The following COLEC12 variants were observed in gnomAD, a reference collection of about 807,000 sequenced individuals.
The protein encoded by COLEC12 is collectin subfamily member 12, also known as collectin-12.
Under a neutral mutation model 71.1 loss-of-function variants are expected in COLEC12, and 33 were observed. That is an observed-to-expected ratio of 0.46 (90% CI 0.35 to 0.62). The LOEUF is 0.62. COLEC12 is among the 20% of genes least tolerant of loss of function. The pLI, the probability that COLEC12 is intolerant of heterozygous loss-of-function variation, is 0.00. For missense variants in COLEC12, 765 were observed against 916.1 expected (o/e 0.84, Z 2.13); for synonymous variants, 350 against 353.0 (o/e 0.99, Z 0.10).
intron 2 of COLEC12, among the ~76,000 whole-genome samples, chr18:370,370 C>T (rs1266663146): frequency 6.6e-6 from 1 of 152,176 alleles, no homozygotes; most frequent in Non-Finnish European, 1.5e-5. Context: ...CAAACAGCTC[C>T]TAATTACAGT....
intron 2 of COLEC12, among the ~76,000 whole-genome samples, chr18:434,446 A>C (rs1426210431): frequency 6.6e-6 from 1 of 152,208 alleles, no homozygotes; most frequent in Non-Finnish European, 1.5e-5. Flanking sequence ...ACTGGGGCTA[A>C]TGTTTTGCTT....
chr18:476,596 T>C (rs1917310090), intron 2 of COLEC12, among the ~76,000 whole-genome samples: 1 of 152,172 alleles, frequency 6.6e-6, no homozygotes, highest in South Asian at 2.1e-4. Flanking sequence ...CCCGCCCCAG[T>C]GCAGAAAGGG....
intron 3 of COLEC12, among the ~76,000 whole-genome samples, chr18:356,337 A>T (rs666651): frequency 0.4 from 61,438 of 151,986 alleles, 14,385 homozygotes; most frequent in African/African-American, 0.65. Flanking sequence ...TGCAGAAGAC[A>T]TAGCATGACC....
At chr18:322,148 G>A in intron 8 of COLEC12, among the ~76,000 whole-genome samples, 1 of 138,940 alleles carries the variant, frequency 7.2e-6, no homozygotes, top group Admixed American at 7.4e-5. Context: ...TTCTGGGCAT[G>A]AGTGTATATA....
chr18:328,759 T>C (rs1255688779), intron 8 of COLEC12, among the ~76,000 whole-genome samples: 1 of 152,188 alleles, frequency 6.6e-6, no homozygotes, highest in Non-Finnish European at 1.5e-5. Flanking sequence ...CTTTGAGTGT[T>C]GCTGGGTCAA....
At chr18:358,447 C>T (rs755622044) in intron 2 of COLEC12, among the ~76,000 whole-genome samples, 20 of 152,056 alleles carry the variant, frequency 1.3e-4, no homozygotes, top group African/African-American at 2.7e-4. Flanking sequence ...CGTATGGGTG[C>T]GATGGGAGAC....
intron 5 of COLEC12, among the ~76,000 whole-genome samples, chr18:341,586 A>G (rs772556136): frequency 6.6e-6 from 1 of 152,216 alleles, no homozygotes; most frequent in Non-Finnish European, 1.5e-5. Context: ...TTCTTTGTGC[A>G]TATGAAGCTG....
At chr18:382,976 T>C (rs906159507) in intron 2 of COLEC12, among the ~76,000 whole-genome samples, 1 of 152,144 alleles carries the variant, frequency 6.6e-6, no homozygotes, top group African/African-American at 2.4e-5. Flanking sequence ...AATGCAATGA[T>C]TTTTTGGGGT....
chr18:356,605 C>T (rs186154281), intron 3 of COLEC12, among the ~76,000 whole-genome samples: 36 of 152,330 alleles, frequency 2.4e-4, no homozygotes, highest in African/African-American at 6.5e-4. Flanking sequence ...ACAGACTCCA[C>T]GTCTGCCTCT....
At position 318,228 on chromosome 18, in the gene COLEC12, C is replaced by T. The variant is rs1414906903; in HGVS notation, c.*1817G>A. 3 of 152,022 alleles carry T rather than the reference C, an allele frequency of 2.0e-5. No individual in the cohort carries two copies. Among genetic ancestry groups the T allele is most frequent in the Non-Finnish European group, 4.4e-5 (3 of 68,032 alleles). The allele number at this position is 152,022 out of a possible 1,614,324, so 9.4% of individuals were successfully genotyped here. ...ATCTCCTGACCTTGTGATCCGTCCG[C>T]CTCGGCCTCCCAAAGTGCTGGGATT... On this transcript the variant is annotated 3_prime_UTR_variant, in exon 10 of 10. Transcript: ENST00000400256.
chr18:469,938 T>C (rs745857203), intron 2 of COLEC12, among the ~76,000 whole-genome samples: 1 of 152,222 alleles, frequency 6.6e-6, no homozygotes, highest in Non-Finnish European at 1.5e-5. Flanking sequence ...AGTATTGATG[T>C]TGGCAAATAA....
intron 2 of COLEC12, among the ~76,000 whole-genome samples, chr18:473,885 T>G (rs529162217): frequency 6.6e-6 from 1 of 152,186 alleles, no homozygotes; most frequent in Non-Finnish European, 1.5e-5. Context: ...TCAACCCAAT[T>G]GTTGGAAAAA....
rs8098850 is a variant in COLEC12 at position 335,099 on chromosome 18, T to C, written c.1459A>G (p.Ile487Val). The C allele has an allele frequency of 0.06, 96,720 of 1,611,740 alleles. 3,093 individuals are homozygous for C. Among genetic ancestry groups the C allele is most frequent in the Middle Eastern group, 0.088 (534 of 6,040 alleles). The change falls in exon 6 of 10, where the codon ATT becomes GTT. Residue 487 changes from isoleucine (I) to valine (V), a missense_variant. Coordinates refer to ENST00000400256, the MANE Select transcript of COLEC12 (RefSeq NM_130386.3). ...TCTCCGGGGGGACCAGCTGGTCCAA[T>C]TGGGCCTCTCTCACCCGCAGGGCCA... is the stretch of plus-strand genomic sequence containing the variant. The part of the protein sequence containing the change: ...PPGPAGERGP[I>V]GPAGPPGERG...
chr18:475,700 C>T (rs72853184), intron 2 of COLEC12, among the ~76,000 whole-genome samples: 2,288 of 152,274 alleles, frequency 0.015, 55 homozygotes, highest in Non-Finnish European at 0.016. Context: ...TAAGCATATC[C>T]GTGCTGTGAT....
intron 2 of COLEC12, among the ~76,000 whole-genome samples, chr18:388,919 T>C (rs1487892226): frequency 2.6e-5 from 4 of 152,156 alleles, no homozygotes; most frequent in Non-Finnish European, 5.9e-5. Flanking sequence ...GCTCACATGG[T>C]GCCCTTCTCC....
At chr18:365,770 A>C (rs1270929653) in intron 2 of COLEC12, among the ~76,000 whole-genome samples, 1 of 152,190 alleles carries the variant, frequency 6.6e-6, no homozygotes. Context: ...GTGGTTCAGG[A>C]ATCCACAGTG....
chr18:435,589 T>C (rs1194799119), intron 2 of COLEC12, among the ~76,000 whole-genome samples: 1 of 75,088 alleles, frequency 1.3e-5, no homozygotes. Context: ...TATCAGAAGT[T>C]AAATCCAAAT....
At chr18:436,035 T>C (rs964808953) in intron 2 of COLEC12, among the ~76,000 whole-genome samples, 1 of 152,228 alleles carries the variant, frequency 6.6e-6, no homozygotes, top group African/African-American at 2.4e-5. Flanking sequence ...CTAATGGGCA[T>C]AGTATGTCAG....
intron 1 of COLEC12, among the ~76,000 whole-genome samples, chr18:481,186 G>A (rs1357668359): frequency 2.0e-5 from 3 of 152,062 alleles, no homozygotes; most frequent in Admixed American, 6.6e-5. Flanking sequence ...GTTATCTTTA[G>A]GCAACTCACC....
Sources: gnomAD v4.1 joint callset for allele counts (sites outside exome capture counted in the v4.1 genomes callset) on GRCh38, gnomAD v4.1.1 for gene constraint, MANE v1.5 for transcripts, NCBI Gene and HGNC (gene_info 2026-07-23, HGNC 2026-07-21) for gene names.